ARHGEF2: variants seen among roughly 807,000 people sequenced by gnomAD.
The protein encoded by ARHGEF2 is rho guanine nucleotide exchange factor 2.
A neutral mutation model predicts 121.0 loss-of-function variants in ARHGEF2; 22 were observed. That is an observed-to-expected ratio of 0.18 (90% CI 0.13 to 0.26). ARHGEF2 has a LOEUF of 0.26. Among genes scored for constraint, ARHGEF2 ranks in the 10% least tolerant of loss-of-function variants. The pLI is 1.00. For missense variants in ARHGEF2, 907 were observed against 1,336.0 expected (o/e 0.68, Z 5.01); for synonymous variants, 487 against 530.0 (o/e 0.92, Z 1.11).
In ARHGEF2 at chr1:155,958,275, A is replaced by AAAACACTGT. The variant is rs1281502742; in HGVS notation, c.1545+44_1545+45insACAGTGTTT. 6 of 1,550,090 alleles carry AAAACACTGT rather than the reference A, an allele frequency of 3.9e-6. No homozygotes were observed. The East Asian group carries it at 1.3e-4, about 35-fold the overall frequency. ...TTGGGCAGGAAAGCAAGAAGAGACT[A>AAAACACTGT]AAACACTTGTCTGTGCTGAGAAAGG... On this transcript the variant is annotated intron_variant, in intron 12 of 21. Transcript: ENST00000361247.
chr1:155,965,866 C>CT lies in ARHGEF2; in HGVS notation c.341-107dup, dbSNP rs1679268509. 1.5e-6 allele frequency: 2 copies of CT among 1,317,620 alleles called. No individual in the cohort carries two copies. The highest frequency in any genetic ancestry group is 3.0e-5 in the African/African-American group (2 of 67,128). The allele number at this position is 1,317,620 out of a possible 1,614,324, so 81.6% of individuals were successfully genotyped here. ...GGAATGAGGCATCCTCTCACTCCAC[C>CT]TCAGCCCCTCTAGTCAAGAAAGATG... is the stretch of plus-strand genomic sequence containing the variant. On this transcript the variant is annotated intron_variant, in intron 4 of 21. Coordinates refer to ENST00000361247, the MANE Select transcript of ARHGEF2 (RefSeq NM_001162383.2). This position sits in a 1 kb window ranked among gnomAD's most constrained non-coding sequence, Gnocchi z 6.0.
rs1357607704 is a variant in ARHGEF2, at chr1:155,962,076, G to A, written c.1219+29C>T. 4 of 1,611,908 alleles carry A rather than the reference G, an allele frequency of 2.5e-6. No homozygotes were observed. The South Asian group carries it at 3.3e-5, about 13-fold the overall frequency. ...CCTCACCCCAGGTGGCCGTCTCCCA[G>A]TGGCCCTCTCCTGGGCCTGCCTACT... On this transcript the variant is annotated intron_variant, in intron 10 of 21. Coordinates refer to ENST00000361247, the MANE Select transcript of ARHGEF2 (RefSeq NM_001162383.2). The surrounding 1 kb of genome is among the most constrained non-coding windows in gnomAD (Gnocchi z 5.8).
intron 7 of ARHGEF2, among the ~76,000 whole-genome samples, 181 bp downstream of exon 7, chr1:155,964,807 C>T (rs1241196671): frequency 4.7e-5 from 7 of 149,638 alleles, no homozygotes; most frequent in African/African-American, 9.9e-5. Flanking sequence ...TAATGAGAAT[C>T]GCTTGAACCT....
At chr1:155,975,203 A>G (rs941090115) in intron 1 of ARHGEF2, among the ~76,000 whole-genome samples, 1 of 152,178 alleles carries the variant, frequency 6.6e-6, no homozygotes, top group Non-Finnish European at 1.5e-5. Context: ...ACAGTAGCCC[A>G]GAGCATCTGG....
chr1:155,976,198 C>T (rs1296904033), intron 1 of ARHGEF2, among the ~76,000 whole-genome samples: 1 of 151,954 alleles, frequency 6.6e-6, no homozygotes, highest in Non-Finnish European at 1.5e-5. Context: ...AATGTCTTTT[C>T]CAGCGGGTGC....
At chr1:155,964,189 T>C (rs1386070358) in intron 7 of ARHGEF2, among the ~76,000 whole-genome samples, 26 of 125,518 alleles carry the variant, frequency 2.1e-4, no homozygotes, top group African/African-American at 7.8e-4. Flanking sequence ...TATATATATA[T>C]ATATATATAC....
rs576846046 is a variant in ARHGEF2, at chr1:155,948,909, G to A, written c.2888-894C>T. ...TCCTCTCACCTCACTCTCACTCTCC[G>A]TAGCTAGGACTACAGGCTCACTCCA... On this transcript the variant is annotated intron_variant, in intron 21 of 21. Transcript: ENST00000361247. Among the ~76,000 whole-genome samples, 12 of 152,120 alleles carry A rather than the reference G, an allele frequency of 7.9e-5. No individual in the cohort carries two copies. In the South Asian group the frequency reaches 1.5e-3, roughly 18 times the overall value.
At chr1:155,968,306 T>C (rs937444922) in intron 2 of ARHGEF2, 2 of 151,570 alleles carry the variant, frequency 1.3e-5, no homozygotes, top group African/African-American at 4.9e-5. Flanking sequence ...CCATCACTGG[T>C]CCTTTCTGGG....
chr1:155,969,748 C>T, intron 1 of ARHGEF2: 1 of 993,722 alleles, frequency 1.0e-6, no homozygotes, highest in South Asian at 4.5e-5. Flanking sequence ...TGGGAGTTAG[C>T]TCCTCTTATA....
intron 1 of ARHGEF2, among the ~76,000 whole-genome samples, chr1:155,976,000 A>G (rs1032454903): frequency 6.6e-6 from 1 of 151,980 alleles, no homozygotes; most frequent in Non-Finnish European, 1.5e-5. Flanking sequence ...AAAAGGAAGC[A>G]TGGAGGGGGC....
intron 7 of ARHGEF2, among the ~76,000 whole-genome samples, chr1:155,964,185 T>TACATAC (rs1678811354): frequency 8.0e-6 from 1 of 124,976 alleles, no homozygotes; most frequent in African/African-American, 3.3e-5. Flanking sequence ...TATATATATA[T>TACATAC]ATATATATAT....
chr1:155,947,816 A>C lies in ARHGEF2; in HGVS notation c.*126T>G. 23 of 606,076 alleles carry C rather than the reference A, an allele frequency of 3.8e-5. No homozygotes were observed. The highest frequency in any genetic ancestry group is 5.9e-5 in the East Asian group (2 of 34,052). The allele number at this position is 606,076 out of a possible 1,614,324, so 37.5% of individuals were successfully genotyped here. A position where few individuals can be genotyped will look rare whatever the true frequency, so the allele number is the denominator to read the frequency against. ...TGGCCCCAGGTATCCAAGGATCCCAAGAGCTGGCAAGGACAATTTGCAGTT... is the reference window on the plus strand; with the variant it reads ...TGGCCCCAGGTATCCAAGGATCCCACGAGCTGGCAAGGACAATTTGCAGTT... On this transcript the variant is annotated 3_prime_UTR_variant, in exon 22 of 22. Coordinates refer to ENST00000361247, the MANE Select transcript of ARHGEF2 (RefSeq NM_001162383.2).
chr1:155,962,043 G>A lies in ARHGEF2; in HGVS notation c.1219+62C>T, dbSNP rs547422611. ...ACCCCACCCTTCCTGTGGTCATACC[G>A]AGCCTTTCCTCACCCCAGGTGGCCG... On this transcript the variant is annotated intron_variant, in intron 10 of 21. Coordinates refer to ENST00000361247, the MANE Select transcript of ARHGEF2 (RefSeq NM_001162383.2). This position sits in a 1 kb window ranked among gnomAD's most constrained non-coding sequence, Gnocchi z 5.8. The A allele has an allele frequency of 1.5e-5, 24 of 1,606,456 alleles. No homozygotes were observed. The highest frequency in any genetic ancestry group is 6.7e-5 in the Admixed American group (4 of 59,978).
At position 155,962,360 on chromosome 1, in the gene ARHGEF2, A is replaced by G. The variant is rs534817099; in HGVS notation, c.1102-138T>C. 2 of 1,055,326 alleles carry G rather than the reference A, an allele frequency of 1.9e-6. No individual in the cohort carries two copies. Among genetic ancestry groups the G allele is most frequent in the African/African-American group, 1.6e-5 (1 of 63,316 alleles). 65.4% of individuals were successfully genotyped at this position (1,055,326 alleles called of 1,614,324 possible). ...GACATATCTGGAAAATGGGGATAAC[A>G]ACGCCACAGGTTTGTTGTGAGGACC... is the stretch of plus-strand genomic sequence containing the variant. On this transcript the variant is annotated intron_variant, in intron 9 of 21. Transcript: ENST00000361247. This position sits in a 1 kb window ranked among gnomAD's most constrained non-coding sequence, Gnocchi z 5.8.
At chr1:155,968,661 T>A (rs2102680423) in intron 2 of ARHGEF2, 1 of 154,260 alleles carries the variant, frequency 6.5e-6, no homozygotes, top group African/African-American at 2.4e-5. Context: ...AGCAGAGATT[T>A]CAGGCTCCAC....
At position 155,962,332 on chromosome 1, in the gene ARHGEF2, G is replaced by A; in HGVS notation, c.1102-110C>T. On this transcript the variant is annotated intron_variant, in intron 9 of 21. Coordinates refer to ENST00000361247, the MANE Select transcript of ARHGEF2 (RefSeq NM_001162383.2). This position sits in a 1 kb window ranked among gnomAD's most constrained non-coding sequence, Gnocchi z 5.8. Reference sequence around the variant, plus strand: ...TGGCCATTTACCTCATGCTTGCCTAGGTGACATATCTGGAAAATGGGGATA... The same window carrying A: ...TGGCCATTTACCTCATGCTTGCCTAAGTGACATATCTGGAAAATGGGGATA... 8.4e-7 allele frequency: 1 copy of A among 1,191,782 alleles called. No homozygotes were observed. The highest frequency in any genetic ancestry group is 1.2e-6 in the Non-Finnish European group (1 of 836,320). The allele number at this position is 1,191,782 out of a possible 1,614,324, so 73.8% of individuals were successfully genotyped here. A position where few individuals can be genotyped will look rare whatever the true frequency, so the allele number is the denominator to read the frequency against.
chr1:155,972,263 G>T, intron 1 of ARHGEF2: 1 of 467,096 alleles, frequency 2.1e-6, no homozygotes. Context: ...ACCCTCTCTC[G>T]AAGTGACCCC....
In ARHGEF2 at chr1:155,978,404, C is replaced by T. The variant is rs1353315089; in HGVS notation, c.24G>A (p.Thr8=). 5.9e-6 allele frequency: 9 copies of T among 1,516,106 alleles called. No homozygotes were observed. The highest frequency in any genetic ancestry group is 8.0e-6 in the Non-Finnish European group (9 of 1,122,688). The allele number at this position is 1,516,106 out of a possible 1,614,324, so 93.9% of individuals were successfully genotyped here. MSRIESL[T]RARIDRSREL... ...CTCTGCTCCGGTCGATCCGCGCCCG[C>T]GTGAGGGATTCGATCCGAGACATAA... Residue 8 remains threonine, a synonymous_variant, in exon 1 of 22, where the codon ACG becomes ACA. Transcript: ENST00000361247. This position sits in a 1 kb window ranked among gnomAD's most constrained non-coding sequence, Gnocchi z 4.1.
intron 21 of ARHGEF2, among the ~76,000 whole-genome samples, chr1:155,949,582 A>C (rs1284754247): frequency 2.0e-5 from 3 of 151,924 alleles, no homozygotes; most frequent in African/African-American, 7.2e-5. Flanking sequence ...TCCATCTCAA[A>C]AAAAAAAAAA....
Sources: allele counts gnomAD v4.1 joint callset (sites outside exome capture counted in the v4.1 genomes callset), GRCh38; gene constraint gnomAD v4.1.1; non-coding constraint Gnocchi (gnomAD v3.1); transcripts MANE v1.5; gene names NCBI Gene and HGNC (gene_info 2026-07-23, HGNC 2026-07-21).